The following OR10G8 variants were observed in gnomAD, a reference collection of about 807,000 sequenced individuals.
OR10G8 encodes olfactory receptor 10G8.
For synonymous variants in OR10G8, 173 were observed against 163.2 expected, an observed-to-expected ratio of 1.06 and a Z score of -0.46; for missense variants, 386 against 384.9, an observed-to-expected ratio of 1.00 and a Z score of -0.02.
At chr11:124,027,207 C>G (rs982002760) in intron 1 of OR10G8, among the ~76,000 whole-genome samples, 1 of 152,152 alleles carries the variant, frequency 6.6e-6, no homozygotes, top group Admixed American at 6.5e-5. Flanking sequence ...CTGTACACAG[C>G]ATGTGGAAAG....
Position 124,030,554 on chromosome 11 carries a change from A to G in OR10G8, c.932A>G (p.Lys311Arg), listed in dbSNP as rs1216043782. 1.3e-6 allele frequency: 2 copies of G among 1,581,110 alleles called. No individual in the cohort carries two copies. The highest frequency in any genetic ancestry group is 1.8e-5 in the Admixed American group (1 of 54,552). Reference protein sequence around the residue: ...LKDKVAHSQSK With the variant: ...LKDKVAHSQSR ...GACAAAGTAGCACATTCTCAGAGCAAATAGACACTAGGGAAGATTACATAT... is the reference window on the plus strand; with the variant it reads ...GACAAAGTAGCACATTCTCAGAGCAGATAGACACTAGGGAAGATTACATAT... The change falls in exon 2 of 2, where the codon AAA becomes AGA. Residue 311 changes from lysine to arginine, a missense_variant. Lys to Arg is a conservative substitution (Grantham distance 26). Coordinates refer to ENST00000641224, the MANE Select transcript of OR10G8 (RefSeq NM_001004464.2).
chr11:124,030,016 A>G lies in OR10G8; in HGVS notation c.394A>G (p.Thr132Ala). 2 of 1,614,142 alleles carry G rather than the reference A, an allele frequency of 1.2e-6. No individual in the cohort carries two copies. Among genetic ancestry groups the G allele is most frequent in the Non-Finnish European group, 1.7e-6 (2 of 1,180,022 alleles). Residue 132 changes from threonine to alanine, a missense_variant, in exon 2 of 2, where the codon ACC (threonine) becomes GCC (alanine). By Grantham distance (58) the Thr-to-Ala change is moderately conservative (BLOSUM62 0). Coordinates refer to ENST00000641224, the MANE Select transcript of OR10G8 (RefSeq NM_001004464.2). ...YLAISYPLRY[T>A]SMMTGRSCTL... ...GGCCATCAGTTACCCGCTCAGGTAC[A>G]CCAGCATGATGACTGGGCGCTCGTG...
intron 1 of OR10G8, among the ~76,000 whole-genome samples, chr11:124,028,774 T>C (rs75649850): frequency 6.6e-6 from 1 of 152,118 alleles, no homozygotes; most frequent in Admixed American, 6.5e-5. Flanking sequence ...CCACTAACAA[T>C]TAAATTCTTG....
At chr11:124,028,380 G>C (rs1193587968) in intron 1 of OR10G8, among the ~76,000 whole-genome samples, 1 of 152,168 alleles carries the variant, frequency 6.6e-6, no homozygotes, top group Non-Finnish European at 1.5e-5. Context: ...TACCTGCTCT[G>C]AGAGACCAAG....
Position 124,030,631 on chromosome 11 carries a change from T to C in OR10G8, c.*73T>C, listed in dbSNP as rs1864150965. ...AAAACATACAGGGGCAGGTATCTTTTGGATGTAATGAATTCTTTTCCTTTG... is the reference window on the plus strand; with the variant it reads ...AAAACATACAGGGGCAGGTATCTTTCGGATGTAATGAATTCTTTTCCTTTG... On this transcript the variant is annotated 3_prime_UTR_variant, in exon 2 of 2. Transcript: ENST00000641224. The C allele has an allele frequency of 4.9e-6, 6 of 1,215,890 alleles. No homozygotes were observed. The highest frequency in any genetic ancestry group is 2.0e-4 in the Middle Eastern group (1 of 5,022). 75.3% of individuals were successfully genotyped at this position (1,215,890 alleles called of 1,614,324 possible).
At position 124,030,097 on chromosome 11, in the gene OR10G8, G is replaced by A. The variant is rs147374446; in HGVS notation, c.475G>A (p.Ala159Thr). The change falls in exon 2 of 2, where the codon GCC (alanine) becomes ACC (threonine). Residue 159 changes from alanine (A) to threonine (T), a missense_variant. Ala to Thr is a moderately conservative substitution (Grantham distance 58). Transcript: ENST00000641224. ...TGGCTCTCTGCACTCTGCTGTCCAG[G>A]CCATATTGACTTTCCATTTGCCCTA... Reference protein sequence around the residue: ...LSGSLHSAVQAILTFHLPYCG... With the variant: ...LSGSLHSAVQTILTFHLPYCG... 7.2e-4 allele frequency: 1,156 copies of A among 1,613,926 alleles called. No individual in the cohort carries two copies. Among genetic ancestry groups the A allele is most frequent in the African/African-American group, 3.4e-3 (254 of 75,002 alleles).
In OR10G8 at chr11:124,029,722, G is replaced by C. The variant is rs765129754; in HGVS notation, c.100G>C (p.Val34Leu). 7 of 1,613,912 alleles carry C rather than the reference G, an allele frequency of 4.3e-6. No homozygotes were observed. Among genetic ancestry groups the C allele is most frequent in the Non-Finnish European group, 5.1e-6 (6 of 1,179,854 alleles). ...PLFGVFLVVY[V>L]LTVLGNLLIL... ...CTTTGGAGTCTTCCTGGTGGTTTAC[G>C]TGCTCACTGTGCTGGGGAACCTCCT... The change falls in exon 2 of 2, where the codon GTG becomes CTG. Residue 34 changes from valine (V) to leucine (L), a missense_variant. By Grantham distance (32) the Val-to-Leu change is conservative. Transcript: ENST00000641224.
chr11:124,028,762 A>G (rs1864127011), intron 1 of OR10G8, among the ~76,000 whole-genome samples: 1 of 152,104 alleles, frequency 6.6e-6, no homozygotes, highest in African/African-American at 2.4e-5. Flanking sequence ...AAATATTCCC[A>G]GCCACTAACA....
intron 1 of OR10G8, among the ~76,000 whole-genome samples, chr11:124,028,868 G>T (rs1003037726): frequency 1.3e-5 from 2 of 152,064 alleles, no homozygotes; most frequent in Non-Finnish European, 2.9e-5. Context: ...CAAGATTCCT[G>T]CTGTCTAGTA....
Position 124,029,739 on chromosome 11 carries a change from G to A in OR10G8, c.117G>A (p.Gly39=). The part of the protein sequence containing the change: ...FLVVYVLTVL[G]NLLILLVIRV... ...TGGTTTACGTGCTCACTGTGCTGGG[G>A]AACCTCCTCATCCTGCTGGTGATCA... The change falls in exon 2 of 2, where the codon GGG becomes GGA. Residue 39 remains glycine (G), a synonymous_variant. Coordinates refer to ENST00000641224, the MANE Select transcript of OR10G8 (RefSeq NM_001004464.2). 4 of 1,613,936 alleles carry A rather than the reference G, an allele frequency of 2.5e-6. No individual in the cohort carries two copies. Among genetic ancestry groups the A allele is most frequent in the Middle Eastern group, 1.7e-4 (1 of 6,056 alleles).
At chr11:124,028,787 G>GT (rs140020370) in intron 1 of OR10G8, among the ~76,000 whole-genome samples, 87 of 151,274 alleles carry the variant, frequency 5.8e-4, no homozygotes, top group East Asian at 3.3e-3. Flanking sequence ...AATTCTTGGT[G>GT]TTTTTTTTTA....
At position 124,029,788 on chromosome 11, in the gene OR10G8, A is replaced by C. The variant is rs143756909; in HGVS notation, c.166A>C (p.Thr56Pro). The C allele has an allele frequency of 1.7e-4, 277 of 1,613,922 alleles. No homozygotes were observed. Among genetic ancestry groups the C allele is most frequent in the African/African-American group, 6.0e-4 (45 of 74,966 alleles). ...VIRVDSHLHT[T>P]MYYFLTNLSF... ...CAGGGTGGATTCTCACCTCCACACC[A>C]CCATGTACTACTTCCTCACCAACCT... Residue 56 changes from threonine to proline, a missense_variant, in exon 2 of 2, where the codon ACC becomes CCC. Coordinates refer to ENST00000641224, the MANE Select transcript of OR10G8 (RefSeq NM_001004464.2).
chr11:124,029,631 C>T lies in OR10G8; in HGVS notation c.9C>T (p.Asn3=), dbSNP rs1276314044. MS[N]ASLLTAFILM... is the part of the protein sequence containing the mutation. Reference sequence around the variant, plus strand: ...ACCAAGGGTGAGAAGAAATGTCCAACGCCAGCCTACTGACAGCGTTCATCC... The same window carrying T: ...ACCAAGGGTGAGAAGAAATGTCCAATGCCAGCCTACTGACAGCGTTCATCC... The change falls in exon 2 of 2, where the codon AAC becomes AAT. Residue 3 remains asparagine (N), a synonymous_variant. Coordinates refer to ENST00000641224, the MANE Select transcript of OR10G8 (RefSeq NM_001004464.2). The T allele has an allele frequency of 2.0e-5, 33 of 1,613,190 alleles. No homozygotes were observed. The highest frequency in any genetic ancestry group is 1.6e-4 in the East Asian group (7 of 44,854).
chr11:124,029,984 G>C lies in OR10G8; in HGVS notation c.362G>C (p.Arg121Pro). The C allele has an allele frequency of 1.2e-6, 2 of 1,614,020 alleles. No homozygotes were observed. Among genetic ancestry groups the C allele is most frequent in the Non-Finnish European group, 1.7e-6 (2 of 1,180,014 alleles). Residue 121 changes from arginine (R) to proline (P), a missense_variant, in exon 2 of 2, where the codon CGC becomes CCC. By Grantham distance (103) the Arg-to-Pro change is moderately radical. Coordinates refer to ENST00000641224, the MANE Select transcript of OR10G8 (RefSeq NM_001004464.2). ...CFLYRVMSCD[R>P]YLAISYPLRY... ...CTCTACAGGGTCATGTCCTGTGATCGCTACCTGGCCATCAGTTACCCGCTC... is the reference window on the plus strand; with the variant it reads ...CTCTACAGGGTCATGTCCTGTGATCCCTACCTGGCCATCAGTTACCCGCTC...
At position 124,029,736 on chromosome 11, in the gene OR10G8, G is replaced by T; in HGVS notation, c.114G>T (p.Leu38=). 6.2e-7 allele frequency: 1 copy of T among 1,613,876 alleles called. No individual in the cohort carries two copies. Among genetic ancestry groups the T allele is most frequent in the Non-Finnish European group, 8.5e-7 (1 of 1,179,870 alleles). Reference sequence around the variant, plus strand: ...TGGTGGTTTACGTGCTCACTGTGCTGGGGAACCTCCTCATCCTGCTGGTGA... The same window carrying T: ...TGGTGGTTTACGTGCTCACTGTGCTTGGGAACCTCCTCATCCTGCTGGTGA... ...VFLVVYVLTV[L]GNLLILLVIR... Residue 38 remains leucine, a synonymous_variant, in exon 2 of 2, where the codon CTG becomes CTT. Coordinates refer to ENST00000641224, the MANE Select transcript of OR10G8 (RefSeq NM_001004464.2).
In OR10G8 at chr11:124,030,277, T is replaced by G. The variant is rs1433654472; in HGVS notation, c.655T>G (p.Ser219Ala). Residue 219 changes from serine to alanine, a missense_variant, in exon 2 of 2, where the codon TCC (serine) becomes GCC (alanine). Ser to Ala is a moderately conservative substitution (Grantham distance 99). Transcript: ENST00000641224. ...CFVLIVLSYV[S>A]IVCSILRIRT... Reference sequence around the variant, plus strand: ...TGTCCTGATAGTGCTGTCCTATGTGTCCATCGTCTGTTCCATCCTGCGGAT... The same window carrying G: ...TGTCCTGATAGTGCTGTCCTATGTGGCCATCGTCTGTTCCATCCTGCGGAT... The G allele has an allele frequency of 1.9e-6, 3 of 1,614,252 alleles. No individual in the cohort carries two copies. Among genetic ancestry groups the G allele is most frequent in the Non-Finnish European group, 2.5e-6 (3 of 1,180,054 alleles).
At chr11:124,029,517 T>C in intron 1 of OR10G8, 79 bp from the exon 2 acceptor site, 1 of 1,267,096 alleles carries the variant, frequency 7.9e-7, no homozygotes. Flanking sequence ...ATCTACCTGC[T>C]TGATGCAGTT....
At position 124,030,061 on chromosome 11, in the gene OR10G8, A is replaced by G. The variant is rs1056579353; in HGVS notation, c.439A>G (p.Thr147Ala). 15 of 1,613,992 alleles carry G rather than the reference A, an allele frequency of 9.3e-6. No homozygotes were observed. The highest frequency in any genetic ancestry group is 1.2e-5 in the Non-Finnish European group (14 of 1,179,986). The change falls in exon 2 of 2, where the codon ACT becomes GCT. Residue 147 changes from threonine to alanine, a missense_variant. Physicochemically the swap from Thr to Ala is moderately conservative, Grantham distance 58 (BLOSUM62 0). Coordinates refer to ENST00000641224, the MANE Select transcript of OR10G8 (RefSeq NM_001004464.2). The part of the protein sequence containing the change: ...GRSCTLLATS[T>A]WLSGSLHSAV... ...CTCGTGTACTCTTCTGGCCACCAGC[A>G]CTTGGCTCAGTGGCTCTCTGCACTC...
At chr11:124,028,877 T>C (rs1864128594) in intron 1 of OR10G8, among the ~76,000 whole-genome samples, 2 of 152,168 alleles carry the variant, frequency 1.3e-5, no homozygotes, top group Admixed American at 1.3e-4. Context: ...TGCTGTCTAG[T>C]ATATGCTTTC....
Sources: gnomAD v4.1 joint callset for allele counts (sites outside exome capture counted in the v4.1 genomes callset) on GRCh38, gnomAD v4.1.1 for gene constraint, MANE v1.5 for transcripts, NCBI Gene and HGNC (gene_info 2026-07-23, HGNC 2026-07-21) for gene names.